Variants in TP63 observed in about 807,000 individuals in gnomAD.
The protein encoded by TP63 is tumor protein 63.
TP63 carries 17 observed loss-of-function variants against 82.8 expected under a neutral mutation model. The observed-to-expected ratio is 0.21, with a 90% confidence interval of 0.14 to 0.31. The LOEUF is 0.31. Among genes scored for constraint, TP63 ranks in the 10% least tolerant of loss-of-function variants. The probability of loss-of-function intolerance (pLI) is 1.00; values close to 1 mark genes in which losing one functional copy is unlikely to be tolerated. For synonymous variants in TP63, 330 were observed against 321.7 expected, an observed-to-expected ratio of 1.03 and a Z score of -0.28; for missense variants, 648 against 895.3, an observed-to-expected ratio of 0.72 and a Z score of 3.52.
intron 3 of TP63, among the ~76,000 whole-genome samples, chr3:189,767,012 A>T (rs1049441657): frequency 1.3e-5 from 2 of 152,188 alleles, no homozygotes; most frequent in African/African-American, 4.8e-5. Flanking sequence ...TGGCACTTTA[A>T]ATAAGGTATA....
chr3:189,827,505 T>C (rs1353850785), intron 4 of TP63, among the ~76,000 whole-genome samples: 3 of 152,230 alleles, frequency 2.0e-5, no homozygotes, highest in Admixed American at 2.0e-4. Context: ...TGGAATGTAG[T>C]ACAGAAAACT....
chr3:189,703,593 G>A (rs2108743738), intron 1 of TP63, among the ~76,000 whole-genome samples: 1 of 152,074 alleles, frequency 6.6e-6, no homozygotes, highest in East Asian at 1.9e-4. Flanking sequence ...AAAGGTAGAG[G>A]GCAGAGTCAT....
At chr3:189,759,941 G>A (rs770928844) in intron 3 of TP63, among the ~76,000 whole-genome samples, 21 of 152,200 alleles carry the variant, frequency 1.4e-4, no homozygotes, top group Admixed American at 3.9e-4. Context: ...TATGTGGATG[G>A]CAGCAGGCAA....
rs35592567 is a variant in TP63, at chr3:189,896,847, C to T, written c.*2345C>T. ...AAAAGGATAGTAAGCATAGAAACCA[C>T]TAGAAAGTGGGCTTAATGGAGTTCT... On this transcript the variant is annotated 3_prime_UTR_variant, in exon 14 of 14. Transcript: ENST00000264731. 0.2 allele frequency: 43,527 copies of T among 213,336 alleles called. 4,473 individuals carry two copies. The highest frequency in any genetic ancestry group is 0.25 in the Middle Eastern group (173 of 686). The allele number at this position is 213,336 out of a possible 1,614,324, so 13.2% of individuals were successfully genotyped here. A position where few individuals can be genotyped will look rare whatever the true frequency, so the allele number is the denominator to read the frequency against.
intron 9 of TP63, among the ~76,000 whole-genome samples, chr3:189,872,493 C>G (rs1718552600): frequency 6.6e-6 from 1 of 151,976 alleles, no homozygotes; most frequent in Non-Finnish European, 1.5e-5. Flanking sequence ...GATAGCACTT[C>G]CGCACTGCCC....
chr3:189,886,883 G>A (rs1720500396), intron 11 of TP63, among the ~76,000 whole-genome samples: 2 of 152,070 alleles, frequency 1.3e-5, no homozygotes, highest in South Asian at 4.2e-4. Context: ...AATGCAACAT[G>A]CATAAAGTAG....
At chr3:189,737,228 T>C (rs1358091503) in intron 1 of TP63, among the ~76,000 whole-genome samples, 6 of 152,122 alleles carry the variant, frequency 3.9e-5, no homozygotes, top group Non-Finnish European at 4.4e-5. Flanking sequence ...CTGAGTGTGA[T>C]TCTAAGATTG....
chr3:189,787,679 G>A (rs544106373), intron 3 of TP63, among the ~76,000 whole-genome samples: 1 of 152,126 alleles, frequency 6.6e-6, no homozygotes, highest in South Asian at 2.1e-4. Flanking sequence ...CAATACTTGG[G>A]ACCCTGAGCC....
the TP63 span, among the ~76,000 whole-genome samples, chr3:189,599,475 G>A: frequency 6.6e-6 from 1 of 152,214 alleles, no homozygotes; most frequent in East Asian, 1.9e-4. Flanking sequence ...TTTTGAAACT[G>A]GAGTGCTTCA....
intron 1 of TP63, among the ~76,000 whole-genome samples, chr3:189,692,219 A>G (rs922438243): frequency 1.3e-5 from 2 of 152,218 alleles, no homozygotes; most frequent in Non-Finnish European, 2.9e-5. Context: ...TGGACTTGAC[A>G]TTCACTTGAA....
intron 1 of TP63, among the ~76,000 whole-genome samples, chr3:189,679,476 A>T (rs1050603468): frequency 6.6e-6 from 1 of 151,846 alleles, no homozygotes; most frequent in African/African-American, 2.4e-5. Context: ...TTTAAATTAG[A>T]TTATTTGTTT....
intron 1 of TP63, among the ~76,000 whole-genome samples, chr3:189,670,813 C>T (rs1309135046): frequency 6.6e-6 from 1 of 151,934 alleles, no homozygotes; most frequent in African/African-American, 2.4e-5. Context: ...AAAATGACAC[C>T]CTCTTCAATA....
At chr3:189,853,427 A>T (rs763519326) in intron 4 of TP63, among the ~76,000 whole-genome samples, 24 of 152,178 alleles carry the variant, frequency 1.6e-4, no homozygotes, top group Non-Finnish European at 3.1e-4. Context: ...CTGCAGGTGC[A>T]CTGGCCTCCA....
Position 189,648,069 on chromosome 3 carries a change from G to A in TP63, c.62+16492G>A, listed in dbSNP as rs747264284. 3.1e-4 allele frequency among the ~76,000 whole-genome samples: 46 copies of A among 147,218 alleles called. 4 individuals are homozygous for A. The highest frequency in any genetic ancestry group is 6.0e-4 in the Admixed American group (9 of 14,980). On this transcript the variant is annotated intron_variant, in intron 1 of 13. Coordinates refer to ENST00000264731, the MANE Select transcript of TP63 (RefSeq NM_003722.5). ...ATTACAACTGGTTACTCCAGTAGAA[G>A]TATGTAGGCTCTGTAATTTTAAGAA...
At chr3:189,739,269 C>A (rs1213606560) in intron 3 of TP63, among the ~76,000 whole-genome samples, 2 of 152,142 alleles carry the variant, frequency 1.3e-5, no homozygotes, top group African/African-American at 4.8e-5. Flanking sequence ...ACATGCACCA[C>A]CACACCTGGC....
At chr3:189,694,790 CTTTTTTTTTTTTTTTTTTTT>C (rs71175304) in intron 1 of TP63, among the ~76,000 whole-genome samples, 4 of 32,730 alleles carry the variant, frequency 1.2e-4, no homozygotes, top group Admixed American at 7.1e-4. Flanking sequence ...TATTTACAGC[CTTTTTTTTTTTTTTTTTTTT>C]TTTTTTTTTT....
At chr3:189,856,494 A>C (rs1168809249) in intron 4 of TP63, among the ~76,000 whole-genome samples, 1 of 152,012 alleles carries the variant, frequency 6.6e-6, no homozygotes, top group Non-Finnish European at 1.5e-5. Flanking sequence ...AAAAATAGCA[A>C]ACTCAACCCT....
intron 3 of TP63, among the ~76,000 whole-genome samples, chr3:189,807,908 A>T (rs1187865014): frequency 6.6e-6 from 1 of 152,144 alleles, no homozygotes; most frequent in East Asian, 1.9e-4. Flanking sequence ...CCCACCAACA[A>T]CCTCAAAATG....
At position 189,721,196 on chromosome 3, in the gene TP63, T is replaced by C. The variant is rs116628953; in HGVS notation, c.63-16544T>C. On this transcript the variant is annotated intron_variant, in intron 1 of 13. Coordinates refer to ENST00000264731, the MANE Select transcript of TP63 (RefSeq NM_003722.5). Reference sequence around the variant, plus strand: ...AGTGGACCGTCTTTACCAGAAGTCGTGAATAGATTTTCTCAGATGAATTGC... The same window carrying C: ...AGTGGACCGTCTTTACCAGAAGTCGCGAATAGATTTTCTCAGATGAATTGC... Among the ~76,000 whole-genome samples the C allele has an allele frequency of 5.9e-3, 893 of 152,278 alleles. 7 individuals carry two copies. Among genetic ancestry groups the C allele is most frequent in the African/African-American group, 0.019 (808 of 41,552 alleles).
Sources: allele counts gnomAD v4.1 joint callset (sites outside exome capture counted in the v4.1 genomes callset), GRCh38; gene constraint gnomAD v4.1.1; transcripts MANE v1.5; gene names NCBI Gene and HGNC (gene_info 2026-07-23, HGNC 2026-07-21).